The following TEX36 variants were observed in gnomAD, a reference collection of about 807,000 sequenced individuals.
The protein encoded by TEX36 is testis-expressed protein 36.
In TEX36, 12 loss-of-function variants were observed where a neutral mutation model predicts 13.6. The observed-to-expected ratio is 0.88, with a 90% CI of 0.56 to 1.43. The LOEUF (loss-of-function observed/expected upper bound fraction) is 1.43. Among genes scored for constraint, TEX36 ranks in the 40% most tolerant of loss-of-function variants. The pLI, the probability that TEX36 is intolerant of heterozygous loss-of-function variation, is 0.00. For synonymous variants in TEX36, 93 were observed against 83.0 expected, an observed-to-expected ratio of 1.12 and a Z score of -0.65; for missense variants, 224 against 228.3, an observed-to-expected ratio of 0.98 and a Z score of 0.12.
chr10:125,677,401 C>T (rs964879744), intron 1 of TEX36, among the ~76,000 whole-genome samples: 2 of 152,028 alleles, frequency 1.3e-5, no homozygotes, highest in Admixed American at 1.3e-4. Context: ...CTTTTCAATT[C>T]TTTTTTATTT....
downstream of TEX36, among the ~76,000 whole-genome samples, chr10:125,651,998 C>G (rs1846866976): frequency 6.6e-6 from 1 of 152,166 alleles, no homozygotes; most frequent in Non-Finnish European, 1.5e-5. Flanking sequence ...AAAGAGGACA[C>G]AAACAAATGG....
At chr10:125,625,680 G>T (rs565370165) in intron 3 of TEX36, among the ~76,000 whole-genome samples, 1 of 152,156 alleles carries the variant, frequency 6.6e-6, no homozygotes, top group Non-Finnish European at 1.5e-5. Context: ...TATGTCATAC[G>T]TGTTCAACTA....
At chr10:125,587,786 TAAAAAAAAAAAA>T (rs56198506) in intron 3 of TEX36, among the ~76,000 whole-genome samples, 4 of 101,898 alleles carry the variant, frequency 3.9e-5, no homozygotes, top group African/African-American at 1.1e-4. Flanking sequence ...GTCTCAAAAT[TAAAAAAAAAAAA>T]AAAAAAAAAA....
chr10:125,641,144 A>G lies in TEX36; in HGVS notation c.265-19499T>C, dbSNP rs572480335. On this transcript the variant is annotated intron_variant, in intron 3 of 3. Coordinates refer to the TEX36 transcript ENST00000526819. ...ACTGCAATGTAGAAATTGTTCCTAG[A>G]AAGGCTGTAGAATTAGCCATGGCAG... Among the ~76,000 whole-genome samples the G allele has an allele frequency of 2.0e-5, 3 of 152,324 alleles. No individual in the cohort carries two copies. In the South Asian group the frequency reaches 6.2e-4, roughly 32 times the overall value.
intron 3 of TEX36, among the ~76,000 whole-genome samples, chr10:125,622,265 A>T (rs922565630): frequency 2.0e-5 from 3 of 152,240 alleles, no homozygotes; most frequent in African/African-American, 7.2e-5. Context: ...AAGACAAACA[A>T]CGCTTAAATG....
chr10:125,655,627 G>A (rs1589776212), downstream of TEX36: 1 of 1,115,406 alleles, frequency 9.0e-7, no homozygotes. Flanking sequence ...TCCTCTGTAT[G>A]GTTTGAAATT....
At chr10:125,653,602 G>C (rs955960471), downstream of TEX36, among the ~76,000 whole-genome samples, 2 of 151,860 alleles carry the variant, frequency 1.3e-5, no homozygotes, top group Non-Finnish European at 2.9e-5. Context: ...AAACCTGCAC[G>C]TTGTGCACAT....
chr10:125,632,104 G>A (rs980400492), intron 3 of TEX36, among the ~76,000 whole-genome samples: 1 of 152,106 alleles, frequency 6.6e-6, no homozygotes, highest in South Asian at 2.1e-4. Context: ...TGAATGGCAG[G>A]GTGTGGGCAA....
chr10:125,644,213 C>T (rs1846733192), intron 3 of TEX36, among the ~76,000 whole-genome samples: 1 of 152,106 alleles, frequency 6.6e-6, no homozygotes, highest in African/African-American at 2.4e-5. Context: ...ATTGAAGAGC[C>T]ACTTAGTAAG....
At chr10:125,582,868 A>T (rs780500398) in intron 3 of TEX36, among the ~76,000 whole-genome samples, 1 of 152,182 alleles carries the variant, frequency 6.6e-6, no homozygotes, top group Non-Finnish European at 1.5e-5. Context: ...TAAAGTGACA[A>T]TTTTTCACTA....
downstream of TEX36, among the ~76,000 whole-genome samples, chr10:125,618,942 TAA>T (rs11452140): frequency 6.2e-3 from 268 of 43,548 alleles, no homozygotes; most frequent in African/African-American, 0.021. Flanking sequence ...CCGTCTCTAC[TAA>T]AAAAAAAAAA....
chr10:125,606,160 G>GA (rs1273343968), intron 3 of TEX36, among the ~76,000 whole-genome samples: 3 of 152,124 alleles, frequency 2.0e-5, no homozygotes, highest in Non-Finnish European at 4.4e-5. Context: ...CATATAAGTA[G>GA]AAAAAGAGAA....
intron 3 of TEX36, among the ~76,000 whole-genome samples, chr10:125,630,670 C>T (rs911650521): frequency 6.6e-6 from 1 of 152,122 alleles, no homozygotes; most frequent in Non-Finnish European, 1.5e-5. Flanking sequence ...GGCTGACTGC[C>T]ATGCATGTCG....
At chr10:125,666,300 C>G (rs1847120609) in intron 1 of TEX36, among the ~76,000 whole-genome samples, 1 of 152,176 alleles carries the variant, frequency 6.6e-6, no homozygotes, top group Non-Finnish European at 1.5e-5. Context: ...AGGCGTTCAA[C>G]TTTACTCCAT....
chr10:125,616,671 CT>C (rs1385264126), downstream of TEX36, among the ~76,000 whole-genome samples: 414 of 112,758 alleles, frequency 3.7e-3, 2 homozygotes, highest in African/African-American at 0.013. Flanking sequence ...AATTTCTGTT[CT>C]TTTACATTTG....
At chr10:125,608,188 G>A (rs1333292863) in intron 3 of TEX36, among the ~76,000 whole-genome samples, 4 of 152,156 alleles carry the variant, frequency 2.6e-5, no homozygotes, top group Non-Finnish European at 5.9e-5. Flanking sequence ...GAGGATGTGG[G>A]TCCTGTGAGT....
intron 3 of TEX36, among the ~76,000 whole-genome samples, chr10:125,630,629 G>A (rs1027976112): frequency 1.3e-5 from 2 of 152,124 alleles, no homozygotes; most frequent in Non-Finnish European, 2.9e-5. Flanking sequence ...ACATGAATAC[G>A]GGGAAATGCG....
chr10:125,669,480 CAA>C (rs151234839), intron 1 of TEX36, among the ~76,000 whole-genome samples: 3 of 138,460 alleles, frequency 2.2e-5, no homozygotes, highest in Non-Finnish European at 4.7e-5. Flanking sequence ...AACTTTGTCT[CAA>C]AAAAAAAAAG....
chr10:125,579,248 G>A (rs899476652), intron 3 of TEX36, among the ~76,000 whole-genome samples: 13 of 152,218 alleles, frequency 8.5e-5, no homozygotes, highest in Non-Finnish European at 1.9e-4. Flanking sequence ...CCTTATGGCT[G>A]AGAAGGCCTC....
Sources: gnomAD v4.1 joint callset for allele counts (sites outside exome capture counted in the v4.1 genomes callset) on GRCh38, gnomAD v4.1.1 for gene constraint, MANE v1.5 for transcripts, NCBI Gene and HGNC (gene_info 2026-07-23, HGNC 2026-07-21) for gene names.